Variants in TMEM163 observed in about 807,000 individuals in gnomAD.
The protein encoded by TMEM163 is transmembrane protein 163.
In TMEM163, 17 loss-of-function variants were observed where a neutral mutation model predicts 29.3. That is an observed-to-expected ratio of 0.58 (90% CI 0.40 to 0.87). The LOEUF is 0.87. TMEM163 is among the 40% of genes least tolerant of loss of function. TMEM163 has a pLI of 0.00. For synonymous variants in TMEM163, 157 were observed against 160.6 expected, an observed-to-expected ratio of 0.98 and a Z score of 0.17; for missense variants, 303 against 381.5, an observed-to-expected ratio of 0.79 and a Z score of 1.71.
chr2:134,653,246 G>A (rs1256584013), intron 2 of TMEM163, among the ~76,000 whole-genome samples: 1 of 74,402 alleles, frequency 1.3e-5, no homozygotes, highest in East Asian at 2.8e-4. Context: ...TCTATTCAGA[G>A]ATTCAACTTC....
chr2:134,715,082 GT>G (rs1326247454), intron 1 of TMEM163, among the ~76,000 whole-genome samples: 2 of 152,184 alleles, frequency 1.3e-5, no homozygotes, highest in African/African-American at 4.8e-5. Flanking sequence ...TAAGCAGTTT[GT>G]TTGCTAGGTA....
intron 4 of TMEM163, among the ~76,000 whole-genome samples, chr2:134,544,478 A>C (rs1680738467): frequency 6.6e-6 from 1 of 152,186 alleles, no homozygotes; most frequent in African/African-American, 2.4e-5. Context: ...GCCTATTTAA[A>C]TTCTTTAAAT....
intron 2 of TMEM163, among the ~76,000 whole-genome samples, chr2:134,657,043 G>A (rs991047577): frequency 2.6e-5 from 4 of 151,934 alleles, no homozygotes; most frequent in African/African-American, 9.7e-5. Context: ...AGGGATATTG[G>A]CCTGTAAGAA....
chr2:134,496,712 G>T (rs16830706), intron 5 of TMEM163, among the ~76,000 whole-genome samples: 2,823 of 152,314 alleles, frequency 0.019, 97 homozygotes, highest in East Asian at 0.16. Flanking sequence ...AGACAGACAA[G>T]GAGAGCTTGG....
chr2:134,518,898 T>C (rs1234359452), intron 4 of TMEM163, among the ~76,000 whole-genome samples: 3 of 152,196 alleles, frequency 2.0e-5, no homozygotes, highest in East Asian at 1.9e-4. Flanking sequence ...GAGACAGTTA[T>C]AGTATATTAT....
intron 2 of TMEM163, among the ~76,000 whole-genome samples, chr2:134,669,271 C>T (rs531915438): frequency 3.3e-5 from 5 of 152,336 alleles, no homozygotes; most frequent in South Asian, 2.1e-4. Context: ...ACTTTGGGCA[C>T]GAGGTCCCTT....
At chr2:134,622,871 T>C (rs1047037203) in intron 2 of TMEM163, among the ~76,000 whole-genome samples, 1 of 152,158 alleles carries the variant, frequency 6.6e-6, no homozygotes, top group Non-Finnish European at 1.5e-5. Flanking sequence ...CAAGCAATTC[T>C]CCTGCCTCAG....
intron 2 of TMEM163, among the ~76,000 whole-genome samples, chr2:134,642,807 CA>C (rs1350275233): frequency 1.3e-5 from 2 of 151,976 alleles, no homozygotes; most frequent in Admixed American, 6.6e-5. Flanking sequence ...GAAAATATTA[CA>C]AATGCAACAA....
chr2:134,704,989 C>T (rs1684776409), intron 2 of TMEM163, among the ~76,000 whole-genome samples: 1 of 152,004 alleles, frequency 6.6e-6, no homozygotes, highest in Non-Finnish European at 1.5e-5. Flanking sequence ...GGGGGCAGAT[C>T]ACCTGAGGTC....
At chr2:134,600,520 T>C (rs982004821) in intron 2 of TMEM163, among the ~76,000 whole-genome samples, 2 of 152,180 alleles carry the variant, frequency 1.3e-5, no homozygotes, top group African/African-American at 4.8e-5. Flanking sequence ...CTGATTCCCT[T>C]TAAGACTTGG....
At chr2:134,465,209 A>G (rs1442969183) in intron 6 of TMEM163, among the ~76,000 whole-genome samples, 2 of 140,650 alleles carry the variant, frequency 1.4e-5, no homozygotes, top group Admixed American at 1.4e-4. Flanking sequence ...AAAAACAAAA[A>G]CAAAACAAAA....
chr2:134,702,242 G>C (rs1390865092), intron 2 of TMEM163, among the ~76,000 whole-genome samples: 1 of 152,192 alleles, frequency 6.6e-6, no homozygotes, highest in East Asian at 1.9e-4. Flanking sequence ...TAACATGAAT[G>C]ATGAGTCCAA....
Position 134,466,241 on chromosome 2 carries a change from C to G in TMEM163, c.556-16G>C. ...GGAAATCGTCCTGCAAGAGAAAGTT[C>G]CAGATTTCAACAGTTCACCTCCTGC... On this transcript the variant is annotated splice_polypyrimidine_tract_variant and intron_variant, in intron 5 of 7. Transcript: ENST00000281924. The G allele has an allele frequency of 6.2e-7, 1 of 1,603,886 alleles. No individual in the cohort carries two copies. Among genetic ancestry groups the G allele is most frequent in the Non-Finnish European group, 8.5e-7 (1 of 1,172,748 alleles).
At chr2:134,676,613 C>T (rs1375550447) in intron 2 of TMEM163, among the ~76,000 whole-genome samples, 2 of 152,156 alleles carry the variant, frequency 1.3e-5, no homozygotes. Flanking sequence ...ATTTTCATCA[C>T]TCCTCTGCCC....
chr2:134,536,759 C>A (rs996257947), intron 4 of TMEM163, among the ~76,000 whole-genome samples: 3 of 152,124 alleles, frequency 2.0e-5, no homozygotes, highest in African/African-American at 7.2e-5. Flanking sequence ...ACTTTTAGGT[C>A]AAAAACCTGT....
rs1168272788 is a variant in TMEM163 at position 134,528,908 on chromosome 2, G to T, written c.458+21662C>A. ...ATGGTTAATAACGGTGCATCAATAA[G>T]ATGCAACATTGACACTTAAAAGGAA... On this transcript the variant is annotated intron_variant, in intron 4 of 7. Transcript: ENST00000281924. Among the ~76,000 whole-genome samples, 3 of 152,206 alleles carry T rather than the reference G, an allele frequency of 2.0e-5. No homozygotes were observed. The East Asian group carries it at 5.8e-4, about 29-fold the overall frequency.
At position 134,563,782 on chromosome 2, in the gene TMEM163, C is replaced by T. The variant is rs1237638105; in HGVS notation, c.323-11691G>A. Reference sequence around the variant, plus strand: ...AGGAATAGCCAAGACAGGCCAGGCACGGTGGCTCACACCTGTAATCCCAGC... The same window carrying T: ...AGGAATAGCCAAGACAGGCCAGGCATGGTGGCTCACACCTGTAATCCCAGC... On this transcript the variant is annotated intron_variant, in intron 2 of 7. Transcript: ENST00000281924. 3.3e-5 allele frequency among the ~76,000 whole-genome samples: 5 copies of T among 152,108 alleles called. No homozygotes were observed. In the East Asian group the frequency reaches 5.8e-4, roughly 18 times the overall value.
intron 2 of TMEM163, among the ~76,000 whole-genome samples, chr2:134,588,445 C>A (rs558010198): frequency 6.6e-6 from 1 of 152,276 alleles, no homozygotes; most frequent in Non-Finnish European, 1.5e-5. Context: ...GGGGTCCAAT[C>A]AGCAGTTCCT....
intron 2 of TMEM163, among the ~76,000 whole-genome samples, chr2:134,578,050 C>T (rs1445300414): frequency 6.6e-6 from 1 of 152,108 alleles, no homozygotes; most frequent in Admixed American, 6.5e-5. Flanking sequence ...GGAGGAATGA[C>T]TCTACTTCTA....
Sources: allele counts gnomAD v4.1 joint callset (sites outside exome capture counted in the v4.1 genomes callset), GRCh38; gene constraint gnomAD v4.1.1; transcripts MANE v1.5; gene names NCBI Gene and HGNC (gene_info 2026-07-23, HGNC 2026-07-21).